Variants in MRI1 observed in about 807,000 individuals in gnomAD.
MRI1 encodes the protein methylthioribose-1-phosphate isomerase 1, also known as methylthioribose-1-phosphate isomerase.
In MRI1, 32 loss-of-function variants were observed where a neutral mutation model predicts 27.3. The observed-to-expected ratio is 1.17, with a 90% CI of 0.88 to 1.57. The LOEUF (loss-of-function observed/expected upper bound fraction) is 1.57. MRI1 is among the 40% of genes most tolerant of loss of function. MRI1 has a pLI of 0.00. For missense variants in MRI1, 508 were observed against 516.1 expected (o/e 0.98, Z 0.15); for synonymous variants, 216 against 227.4 (o/e 0.95, Z 0.45).
chr19:13,769,193 T>G (rs1974217827), intron 5 of MRI1, 145 bp downstream of exon 5: 3 of 712,494 alleles, frequency 4.2e-6, no homozygotes, highest in African/African-American at 3.6e-5. Flanking sequence ...AGATGGAGTC[T>G]TGCTCTGTCC....
rs1354117594 is a variant in MRI1 at position 13,768,582 on chromosome 19, G to T, written c.569G>T (p.Ser190Ile). The T allele has an allele frequency of 6.2e-7, 1 of 1,608,988 alleles. No individual in the cohort carries two copies. The highest frequency in any genetic ancestry group is 8.5e-7 in the Non-Finnish European group (1 of 1,178,302). Residue 190 changes from serine (S) to isoleucine (I), a missense_variant, in exon 4 of 6, where the codon AGC becomes ATC. Physicochemically the swap from Ser to Ile is moderately radical, Grantham distance 142. Coordinates refer to ENST00000040663, the MANE Select transcript of MRI1 (RefSeq NM_001031727.4). ...TALGVIRSLH[S>I]LGRLEHAFCT... ...GCAGGTGTGATTCGCTCACTGCACA[G>T]CCTGGGCCGCCTGGAGCATGCCTTC...
chr19:13,767,037 ATTTTTTTTT>A (rs1161584156), intron 3 of MRI1, among the ~76,000 whole-genome samples: 46 of 21,086 alleles, frequency 2.2e-3, no homozygotes, highest in African/African-American at 5.9e-3. Flanking sequence ...ATATATATAT[ATTTTTTTTT>A]TTTTTTTTTT....
Position 13,764,718 on chromosome 19 carries a change from A to C in MRI1, c.130A>C (p.Lys44Gln). Residue 44 changes from lysine (K) to glutamine (Q), a missense_variant and splice_region_variant, in exon 1 of 6, where the codon AAG (lysine) becomes CAG (glutamine). By Grantham distance (53) the Lys-to-Gln change is moderately conservative. This residue lies in a region of MRI1 where 19 missense variants were observed against 43.0 expected (regional missense o/e 0.44). Coordinates refer to ENST00000040663, the MANE Select transcript of MRI1 (RefSeq NM_001031727.4). ...HQAWEAIRAM[K>Q]VRGAPAIALV... Reference sequence around the variant, plus strand: ...GGCCTGGGAGGCCATCCGCGCCATGAAGGTGCAGCGGGGCGGCGGGGCGGC... The same window carrying C: ...GGCCTGGGAGGCCATCCGCGCCATGCAGGTGCAGCGGGGCGGCGGGGCGGC... 7.5e-7 allele frequency: 1 copy of C among 1,337,180 alleles called. No individual in the cohort carries two copies. Among genetic ancestry groups the C allele is most frequent in the South Asian group, 1.4e-5 (1 of 73,988 alleles). 82.8% of individuals were successfully genotyped at this position (1,337,180 alleles called of 1,614,324 possible).
intron 3 of MRI1, 29 bp from the exon 4 acceptor site, chr19:13,768,532 C>T: frequency 6.3e-7 from 1 of 1,597,036 alleles, no homozygotes; most frequent in Non-Finnish European, 8.5e-7. Context: ...CTCCCCGGGG[C>T]CTTCTCCTGG....
At chr19:13,770,320 C>T (rs551219260) in intron 5 of MRI1, among the ~76,000 whole-genome samples, 3 of 152,326 alleles carry the variant, frequency 2.0e-5, no homozygotes, top group Admixed American at 6.5e-5. Flanking sequence ...TGCCGTGGCT[C>T]ACGCCTATAA....
chr19:13,772,011 C>G, intron 5 of MRI1, 110 bp from the exon 6 acceptor site: 5 of 1,062,316 alleles, frequency 4.7e-6, no homozygotes, highest in South Asian at 1.6e-5. Context: ...CTCAGGTTCT[C>G]AAGGACTCCC....
chr19:13,768,545 G>A lies in MRI1; in HGVS notation c.548-16G>A, dbSNP rs550658617. On this transcript the variant is annotated splice_polypyrimidine_tract_variant and intron_variant, in intron 3 of 5. Coordinates refer to ENST00000040663, the MANE Select transcript of MRI1 (RefSeq NM_001031727.4). ...CCCTCCCCGGGGCCTTCTCCTGGTG[G>A]GTGGGGCCCCCGCAGGTGTGATTCG... The A allele has an allele frequency of 1.3e-6, 2 of 1,598,808 alleles. No individual in the cohort carries two copies. Among genetic ancestry groups the A allele is most frequent in the African/African-American group, 1.3e-5 (1 of 74,660 alleles).
chr19:13,771,432 G>A (rs1013312813), intron 5 of MRI1, among the ~76,000 whole-genome samples: 7 of 152,118 alleles, frequency 4.6e-5, no homozygotes, highest in African/African-American at 7.2e-5. Flanking sequence ...TCAGGAGGCT[G>A]CAGCAGGAGA....
In MRI1 at chr19:13,768,561, G is replaced by T. The variant is rs760856090; in HGVS notation, c.548G>T (p.Gly183Val). ...CTCCTGGTGGGTGGGGCCCCCGCAG[G>T]TGTGATTCGCTCACTGCACAGCCTG... Reference protein sequence around the residue: ...LATAGYGTALGVIRSLHSLGR... With the variant: ...LATAGYGTALVVIRSLHSLGR... The change falls in exon 4 of 6, where the codon GGT (glycine) becomes GTT (valine). Residue 183 changes from glycine (G) to valine (V), a missense_variant and splice_region_variant. Gly to Val is a moderately radical substitution (Grantham distance 109, BLOSUM62 -3). Transcript: ENST00000040663. 11 of 1,603,826 alleles carry T rather than the reference G, an allele frequency of 6.9e-6. No homozygotes were observed. Among genetic ancestry groups the T allele is most frequent in the Non-Finnish European group, 9.4e-6 (11 of 1,175,658 alleles).
chr19:13,770,904 A>G (rs1449119902), intron 5 of MRI1, among the ~76,000 whole-genome samples: 1 of 151,910 alleles, frequency 6.6e-6, no homozygotes, highest in Non-Finnish European at 1.5e-5. Flanking sequence ...AAGAAAAAAC[A>G]GTTCATGAAA....
chr19:13,764,601 G>T lies in MRI1; in HGVS notation c.13G>T (p.Ala5Ser). 6.2e-7 allele frequency: 1 copy of T among 1,609,250 alleles called. No individual in the cohort carries two copies. MTLE[A>S]IRYSRGSLQI... is the part of the protein sequence containing the mutation. ...TGGCTGCTGCACCATGACCCTGGAG[G>T]CGATCCGCTACTCGCGGGGCTCCCT... Residue 5 changes from alanine (A) to serine (S), a missense_variant, in exon 1 of 6, where the codon GCG becomes TCG. Physicochemically the swap from Ala to Ser is moderately conservative, Grantham distance 99. Coordinates refer to ENST00000040663, the MANE Select transcript of MRI1 (RefSeq NM_001031727.4).
rs1215736241 is a variant in MRI1, at chr19:13,772,986, A to C, written c.*705A>C. 6.6e-6 allele frequency: 1 copy of C among 150,726 alleles called. No individual in the cohort carries two copies. Among genetic ancestry groups the C allele is most frequent in the Non-Finnish European group, 1.5e-5 (1 of 67,854 alleles). 9.3% of individuals were successfully genotyped at this position (150,726 alleles called of 1,614,324 possible). A position where few individuals can be genotyped will look rare whatever the true frequency, so the allele number is the denominator to read the frequency against. On this transcript the variant is annotated 3_prime_UTR_variant, in exon 6 of 6. Transcript: ENST00000040663. ...AAAAAAGCTCAGCAACCAAGATAAA[A>C]AATATTTTAAAGCAATATTTTGTTT...
In MRI1 at chr19:13,772,159, C is replaced by T. The variant is rs755270401; in HGVS notation, c.988C>T (p.His330Tyr). 6.2e-7 allele frequency: 1 copy of T among 1,613,986 alleles called. No individual in the cohort carries two copies. The highest frequency in any genetic ancestry group is 8.5e-7 in the Non-Finnish European group (1 of 1,179,962). The change falls in exon 6 of 6, where the codon CAC becomes TAC. Residue 330 changes from histidine (H) to tyrosine (Y), a missense_variant. Transcript: ENST00000040663. Reference sequence around the variant, plus strand: ...GAATCCTGCCTTCGATGTCACCCCCCACGACCTCATCACTGGTGGCATCAT... The same window carrying T: ...GAATCCTGCCTTCGATGTCACCCCCTACGACCTCATCACTGGTGGCATCAT... ...VWNPAFDVTP[H>Y]DLITGGIITE...
intron 5 of MRI1, among the ~76,000 whole-genome samples, chr19:13,770,987 G>A (rs913776831): frequency 3.3e-5 from 5 of 152,276 alleles, no homozygotes; most frequent in Non-Finnish European, 7.4e-5. Flanking sequence ...AGTATTTTGG[G>A]AGGCTGAGGT....
rs201849282 is a variant in MRI1 at position 13,768,581 on chromosome 19, A to G, written c.568A>G (p.Ser190Gly). 1.2e-6 allele frequency: 2 copies of G among 1,609,230 alleles called. No individual in the cohort carries two copies. The highest frequency in any genetic ancestry group is 4.5e-5 in the East Asian group (2 of 44,660). ...CGCAGGTGTGATTCGCTCACTGCAC[A>G]GCCTGGGCCGCCTGGAGCATGCCTT... ...TALGVIRSLH[S>G]LGRLEHAFCT... The change falls in exon 4 of 6, where the codon AGC becomes GGC. Residue 190 changes from serine to glycine, a missense_variant. By Grantham distance (56) the Ser-to-Gly change is moderately conservative. Transcript: ENST00000040663.
Position 13,764,554 on chromosome 19 carries a change from TC to T in MRI1, c.-32del. Reference sequence around the variant, plus strand: ...TCCCAAGTGCGCGCGGACCCCTAGCTCCCTCTGAGTTGCGCTGGGCTTGGCT... The same window carrying T: ...TCCCAAGTGCGCGCGGACCCCTAGCTCCTCTGAGTTGCGCTGGGCTTGGCT... On this transcript the variant is annotated 5_prime_UTR_variant, in exon 1 of 6. Coordinates refer to ENST00000040663, the MANE Select transcript of MRI1 (RefSeq NM_001031727.4). 6.3e-7 allele frequency: 1 copy of T among 1,598,112 alleles called. No individual in the cohort carries two copies.
In MRI1 at chr19:13,764,700, G is replaced by T; in HGVS notation, c.112G>T (p.Glu38Ter). The T allele has an allele frequency of 6.5e-7, 1 of 1,534,234 alleles. No homozygotes were observed. ...GGTGGGCTCGGTGCACCAGGCCTGG[G>T]AGGCCATCCGCGCCATGAAGGTGCA... is the stretch of plus-strand genomic sequence containing the variant. ...EAVGSVHQAW[E>*]AIRAMKVRGA... Residue 38 changes from glutamate (E) to a stop codon, truncating the protein, a stop_gained, in exon 1 of 6, where the codon GAG becomes TAG. Coordinates refer to ENST00000040663, the MANE Select transcript of MRI1 (RefSeq NM_001031727.4). LOFTEE classifies it high-confidence loss of function.
At chr19:13,771,891 T>C (rs896079840) in intron 5 of MRI1, among the ~76,000 whole-genome samples, 1 of 152,100 alleles carries the variant, frequency 6.6e-6, no homozygotes, top group Non-Finnish European at 1.5e-5. Flanking sequence ...CATAGATGTG[T>C]ATAGGACTTT....
At position 13,765,983 on chromosome 19, in the gene MRI1, A is replaced by T; in HGVS notation, c.401A>T (p.Glu134Val). 1 of 1,610,520 alleles carries T rather than the reference A, an allele frequency of 6.2e-7. No homozygotes were observed. Among genetic ancestry groups the T allele is most frequent in the African/African-American group, 1.3e-5 (1 of 74,900 alleles). Residue 134 changes from glutamate (E) to valine (V), a missense_variant, in exon 3 of 6, where the codon GAG (glutamate) becomes GTG (valine). By Grantham distance (121) the Glu-to-Val change is moderately radical. Coordinates refer to ENST00000040663, the MANE Select transcript of MRI1 (RefSeq NM_001031727.4). ...ATCTGCTGCACCGAGGACATGCTGG[A>T]GAAAGACCTCAGAGACAACCGAAGC... ...RVICCTEDML[E>V]KDLRDNRSIG... is the part of the protein sequence containing the mutation.
Sources: gnomAD v4.1 joint callset for allele counts (sites outside exome capture counted in the v4.1 genomes callset) on GRCh38, gnomAD v4.1.1 for gene constraint, gnomAD v4.1.1 regional missense constraint, MANE v1.5 for transcripts, NCBI Gene and HGNC (gene_info 2026-07-23, HGNC 2026-07-21) for gene names.